The following LRMDA variants were observed in gnomAD, a reference collection of about 807,000 sequenced individuals.
The protein encoded by LRMDA is leucine-rich melanocyte differentiation-associated protein.
LRMDA carries 18 observed loss-of-function variants against 29.8 expected under a neutral mutation model. The observed-to-expected ratio is 0.60, with a 90% CI of 0.42 to 0.90. The LOEUF is 0.90. LRMDA is among the 40% of genes least tolerant of loss of function. The pLI, the probability that LRMDA is intolerant of heterozygous loss-of-function variation, is 0.00. For missense variants in LRMDA, 273 were observed against 273.9 expected (o/e 1.00, Z 0.02); for synonymous variants, 125 against 109.4 (o/e 1.14, Z -0.89).
intron 2 of LRMDA, among the ~76,000 whole-genome samples, chr10:75,528,341 A>G (rs1845438136): frequency 6.6e-6 from 1 of 152,222 alleles, no homozygotes; most frequent in Non-Finnish European, 1.5e-5. Flanking sequence ...AAGCCAGAGG[A>G]TGTCTGGACT....
chr10:76,194,549 T>G (rs531601315), intron 5 of LRMDA, among the ~76,000 whole-genome samples: 1 of 152,346 alleles, frequency 6.6e-6, no homozygotes, highest in Non-Finnish European at 1.5e-5. Flanking sequence ...ATAATACTTG[T>G]GGCACACATG....
intron 2 of LRMDA, among the ~76,000 whole-genome samples, chr10:75,772,812 A>G (rs1279853241): frequency 7.8e-6 from 1 of 128,306 alleles, no homozygotes; most frequent in Non-Finnish European, 1.6e-5. Flanking sequence ...AGCACATTTC[A>G]TAGCCAGAGT....
intron 2 of LRMDA, among the ~76,000 whole-genome samples, chr10:75,462,480 C>T (rs748734329): frequency 1.3e-5 from 2 of 152,042 alleles, no homozygotes; most frequent in African/African-American, 2.4e-5. Flanking sequence ...TGTCTTAGTG[C>T]GTGCTCATTC....
intron 6 of LRMDA, among the ~76,000 whole-genome samples, chr10:76,369,368 G>T (rs189287418): frequency 2.0e-5 from 3 of 152,162 alleles, no homozygotes; most frequent in South Asian, 4.2e-4. Context: ...CTTCATATAT[G>T]ATGCTTAGTT....
chr10:76,072,966 G>A (rs149569687), intron 5 of LRMDA, among the ~76,000 whole-genome samples: 19 of 152,322 alleles, frequency 1.2e-4, no homozygotes, highest in African/African-American at 3.6e-4. Flanking sequence ...TTCCAGCATC[G>A]CAGATGAAAC....
intron 2 of LRMDA, among the ~76,000 whole-genome samples, chr10:75,671,272 T>C (rs1841887800): frequency 6.6e-6 from 1 of 152,160 alleles, no homozygotes; most frequent in African/African-American, 2.4e-5. Context: ...ACTAGGGATA[T>C]TTTGGCCCTT....
chr10:75,908,789 A>G (rs971550795), intron 2 of LRMDA, among the ~76,000 whole-genome samples: 2 of 152,156 alleles, frequency 1.3e-5, no homozygotes, highest in African/African-American at 4.8e-5. Context: ...CCCATCTGCC[A>G]GTTAGAGGTG....
intron 2 of LRMDA, among the ~76,000 whole-genome samples, chr10:75,482,267 C>A (rs570904537): frequency 6.6e-6 from 1 of 152,228 alleles, no homozygotes; most frequent in African/African-American, 2.4e-5. Context: ...TCTGCCATTG[C>A]CTGCTCTGAG....
At chr10:76,044,872 C>A (rs533446918) in intron 3 of LRMDA, among the ~76,000 whole-genome samples, 13 of 152,238 alleles carry the variant, frequency 8.5e-5, no homozygotes, top group Non-Finnish European at 1.3e-4. Flanking sequence ...TGAGTGTGCT[C>A]ACAACTTTCT....
chr10:75,878,793 G>A (rs1168141059), intron 2 of LRMDA, among the ~76,000 whole-genome samples: 22 of 152,054 alleles, frequency 1.4e-4, no homozygotes, highest in Admixed American at 1.4e-3. Flanking sequence ...AGTCTGGCTG[G>A]CTTCCAGGGC....
chr10:75,705,181 C>T (rs192467586), intron 2 of LRMDA, among the ~76,000 whole-genome samples: 137 of 152,280 alleles, frequency 9.0e-4, no homozygotes, highest in Non-Finnish European at 1.8e-3. Context: ...AGCTCAAGGC[C>T]CCCAGATGTC....
At chr10:76,495,116 G>A (rs767167836) in intron 6 of LRMDA, among the ~76,000 whole-genome samples, 1 of 151,800 alleles carries the variant, frequency 6.6e-6, no homozygotes, top group East Asian at 1.9e-4. Context: ...TATTCTGGAA[G>A]TTTTAGTGTT....
At chr10:76,342,073 C>T (rs138883868) in intron 6 of LRMDA, among the ~76,000 whole-genome samples, 104 of 152,132 alleles carry the variant, frequency 6.8e-4, no homozygotes, top group African/African-American at 2.2e-3. Context: ...CAGTATTCCC[C>T]GGTAATATAC....
At chr10:75,739,651 T>C (rs983007832) in intron 2 of LRMDA, among the ~76,000 whole-genome samples, 5 of 152,234 alleles carry the variant, frequency 3.3e-5, no homozygotes, top group Non-Finnish European at 7.3e-5. Context: ...GGATACAAAC[T>C]GTTTCCAGGG....
At chr10:75,595,057 GT>G (rs1243531411) in intron 2 of LRMDA, among the ~76,000 whole-genome samples, 1 of 152,122 alleles carries the variant, frequency 6.6e-6, no homozygotes, top group African/African-American at 2.4e-5. Context: ...CTATGTAGTT[GT>G]TTTGGCTTAT....
chr10:75,520,185 T>G (rs1231267650), intron 2 of LRMDA, among the ~76,000 whole-genome samples: 1 of 152,198 alleles, frequency 6.6e-6, no homozygotes, highest in Non-Finnish European at 1.5e-5. Flanking sequence ...AGGAGTATCT[T>G]TGTGGTGTTC....
intron 2 of LRMDA, among the ~76,000 whole-genome samples, chr10:75,971,133 C>T (rs995976771): frequency 6.6e-6 from 1 of 152,190 alleles, no homozygotes. Context: ...ACCCCTGAGT[C>T]AGTACTGCCA....
chr10:75,779,207 G>C (rs914923370), intron 2 of LRMDA, among the ~76,000 whole-genome samples: 1 of 152,080 alleles, frequency 6.6e-6, no homozygotes, highest in Non-Finnish European at 1.5e-5. Context: ...ACTAGCTACT[G>C]TTTTTCTCAT....
At chr10:75,875,045 A>G (rs1845173257) in intron 2 of LRMDA, among the ~76,000 whole-genome samples, 1 of 152,182 alleles carries the variant, frequency 6.6e-6, no homozygotes, top group Admixed American at 6.5e-5. Context: ...GCCAATATCA[A>G]TCACTTAGCC....
Sources: gnomAD v4.1 joint callset for allele counts (sites outside exome capture counted in the v4.1 genomes callset) on GRCh38, gnomAD v4.1.1 for gene constraint, MANE v1.5 for transcripts, NCBI Gene and HGNC (gene_info 2026-07-23, HGNC 2026-07-21) for gene names.